PCTP: variants seen among roughly 807,000 people sequenced by gnomAD.
The protein encoded by PCTP is phosphatidylcholine transfer protein.
Under a neutral mutation model 31.0 loss-of-function variants are expected in PCTP, and 27 were observed. The ratio of observed to expected loss-of-function variants is 0.87; its 90% CI spans 0.64 to 1.20. PCTP has a LOEUF of 1.20. PCTP is among the 50% of genes most tolerant of loss of function. The pLI, the probability that PCTP is intolerant of heterozygous loss-of-function variation, is 0.00. For missense variants in PCTP, 287 were observed against 268.2 expected (o/e 1.07, Z -0.49); for synonymous variants, 108 against 101.2 (o/e 1.07, Z -0.40).
chr17:55,768,350 G>T (rs563220017), intron 2 of PCTP, among the ~76,000 whole-genome samples: 1 of 152,158 alleles, frequency 6.6e-6, no homozygotes, highest in Non-Finnish European at 1.5e-5. Flanking sequence ...AAGGGGAGGA[G>T]GTGCGGTCCA....
At chr17:55,751,583 C>T (rs1429469160) in intron 1 of PCTP, 2 of 1,183,334 alleles carry the variant, frequency 1.7e-6, no homozygotes, top group African/African-American at 3.2e-5. Context: ...GATCCTCACT[C>T]TCCAATGCGT....
chr17:55,844,947 C>G (rs1386882584), downstream of PCTP, among the ~76,000 whole-genome samples: 3 of 151,564 alleles, frequency 2.0e-5, no homozygotes, highest in Non-Finnish European at 4.4e-5. Context: ...ATTAGCCGGG[C>G]TTGGTGGCAC....
At chr17:55,794,554 A>G (rs1367907429) in intron 3 of PCTP, among the ~76,000 whole-genome samples, 1 of 151,898 alleles carries the variant, frequency 6.6e-6, no homozygotes, top group Non-Finnish European at 1.5e-5. Context: ...TCAATTCCTA[A>G]AATAGGAATT....
At chr17:55,797,425 G>A (rs1912221502) in intron 3 of PCTP, among the ~76,000 whole-genome samples, 1 of 152,012 alleles carries the variant, frequency 6.6e-6, no homozygotes, top group South Asian at 2.1e-4. Flanking sequence ...ATGGGGCTAT[G>A]AAGGAAAATG....
intron 3 of PCTP, among the ~76,000 whole-genome samples, chr17:55,799,214 G>A (rs944825849): frequency 6.6e-6 from 1 of 151,860 alleles, no homozygotes; most frequent in Non-Finnish European, 1.5e-5. Context: ...AACAGACAAA[G>A]ATTTTTAGAT....
intron 3 of PCTP, among the ~76,000 whole-genome samples, chr17:55,818,431 A>G (rs1359895868): frequency 1.3e-5 from 2 of 152,172 alleles, no homozygotes; most frequent in Non-Finnish European, 2.9e-5. Context: ...AAGCAGATAG[A>G]TCTTGCAGAT....
chr17:55,815,705 C>A (rs117617790), intron 3 of PCTP, among the ~76,000 whole-genome samples: 1 of 152,162 alleles, frequency 6.6e-6, no homozygotes, highest in Non-Finnish European at 1.5e-5. Flanking sequence ...AATAAAACAC[C>A]TTGCTTGCAA....
chr17:55,827,131 A>G (rs1760046417), downstream of PCTP, among the ~76,000 whole-genome samples: 1 of 151,958 alleles, frequency 6.6e-6, no homozygotes, highest in Admixed American at 6.6e-5. Context: ...CTAGGGAGGC[A>G]AAGTCTATTT....
At chr17:55,835,324 T>C (rs1326244229) in intron 5 of PCTP, among the ~76,000 whole-genome samples, 1 of 152,192 alleles carries the variant, frequency 6.6e-6, no homozygotes, top group Admixed American at 6.5e-5. Flanking sequence ...GTTGAACTGC[T>C]ACCTGTCCCA....
At chr17:55,793,085 A>G (rs1200613922) in intron 3 of PCTP, among the ~76,000 whole-genome samples, 1 of 151,874 alleles carries the variant, frequency 6.6e-6, no homozygotes, top group Non-Finnish European at 1.5e-5. Flanking sequence ...CTGTGTCCCA[A>G]CTCTCTGAAA....
At chr17:55,784,111 C>T (rs1298892278) in intron 2 of PCTP, among the ~76,000 whole-genome samples, 1 of 152,170 alleles carries the variant, frequency 6.6e-6, no homozygotes, top group Non-Finnish European at 1.5e-5. Flanking sequence ...GGGCCACTCA[C>T]CCCGTCTGAC....
At chr17:55,758,087 A>C (rs1263325364) in intron 1 of PCTP, among the ~76,000 whole-genome samples, 1 of 152,180 alleles carries the variant, frequency 6.6e-6, no homozygotes, top group Non-Finnish European at 1.5e-5. Flanking sequence ...CATGCCATTA[A>C]CCACTGCCCA....
At chr17:55,817,343 G>A (rs957951149) in intron 3 of PCTP, among the ~76,000 whole-genome samples, 2 of 152,236 alleles carry the variant, frequency 1.3e-5, no homozygotes, top group Admixed American at 6.5e-5. Flanking sequence ...TGCTCTAAGA[G>A]TTGCCACAGA....
Position 55,753,737 on chromosome 17 carries a change from G to T in PCTP, c.141+2493G>T, listed in dbSNP as rs766670197. Among the ~76,000 whole-genome samples the T allele has an allele frequency of 3.9e-5, 6 of 152,112 alleles. No individual in the cohort carries two copies. The South Asian group carries it at 1.2e-3, about 32-fold the overall frequency. On this transcript the variant is annotated intron_variant, in intron 1 of 5. Coordinates refer to ENST00000268896, the MANE Select transcript of PCTP (RefSeq NM_021213.4). ...TCTTCTCCTCTAGCGAGCCCAGACC[G>T]CTGTGCCATCTTCCCTGTATACAGA...
At chr17:55,767,135 G>T (rs1910707395) in intron 1 of PCTP, among the ~76,000 whole-genome samples, 200 bp from the exon 2 acceptor site, 2 of 152,034 alleles carry the variant, frequency 1.3e-5, no homozygotes, top group African/African-American at 4.8e-5. Context: ...TAAATTTGTT[G>T]GAGTTCATTG....
At chr17:55,821,459 C>T (rs755485013) in intron 3 of PCTP, among the ~76,000 whole-genome samples, 27 of 152,100 alleles carry the variant, frequency 1.8e-4, no homozygotes, top group Non-Finnish European at 2.2e-4. Context: ...TTGTACAACT[C>T]TGTTATTTAC....
At chr17:55,783,644 T>C (rs757383083) in intron 2 of PCTP, among the ~76,000 whole-genome samples, 4 of 152,136 alleles carry the variant, frequency 2.6e-5, no homozygotes, top group Non-Finnish European at 5.9e-5. Flanking sequence ...GTGAATGTGG[T>C]GGTTCATTTT....
chr17:55,751,253 C>T lies in PCTP; in HGVS notation c.141+9C>T. On this transcript the variant is annotated intron_variant, in intron 1 of 5. Transcript: ENST00000268896. ...ACCGGCTGCTGGACAAGGTAGCGGC[C>T]AACCCGCTGGAGGACCGCGGGGCCT... 6.5e-7 allele frequency: 1 copy of T among 1,533,796 alleles called. No individual in the cohort carries two copies. Among genetic ancestry groups the T allele is most frequent in the Non-Finnish European group, 8.8e-7 (1 of 1,139,190 alleles).
chr17:55,787,705 C>G (rs1345124884), intron 3 of PCTP: 3 of 152,070 alleles, frequency 2.0e-5, no homozygotes, highest in Non-Finnish European at 4.4e-5. Flanking sequence ...TATAGGTCAT[C>G]TTATCTACCA....
Sources: allele counts gnomAD v4.1 joint callset (sites outside exome capture counted in the v4.1 genomes callset), GRCh38; gene constraint gnomAD v4.1.1; transcripts MANE v1.5; gene names NCBI Gene and HGNC (gene_info 2026-07-23, HGNC 2026-07-21).